Variants in TTI1 observed in about 807,000 individuals in gnomAD.
The protein encoded by TTI1 is TELO2 interacting protein 1.
A neutral mutation model predicts 85.4 loss-of-function variants in TTI1; 52 were observed. That is an observed-to-expected ratio of 0.61 (90% CI 0.49 to 0.77). The LOEUF is 0.77. Ranked by LOEUF, TTI1 falls within the 30% of genes least tolerant of loss-of-function variation. The probability of loss-of-function intolerance (pLI) is 0.00; values close to 1 mark genes in which losing one functional copy is unlikely to be tolerated. For synonymous variants in TTI1, 512 were observed against 503.9 expected (o/e 1.02, Z -0.22); for missense variants, 1,173 against 1,296.0 (o/e 0.91, Z 1.46).
At chr20:38,017,520 C>T (rs1020993172) in intron 1 of TTI1, among the ~76,000 whole-genome samples, 1 of 151,686 alleles carries the variant, frequency 6.6e-6, no homozygotes, top group African/African-American at 2.4e-5. Flanking sequence ...GTGTGGTTAT[C>T]ATTGGGGAAA....
chr20:38,027,095 A>T (rs573440642), intron 1 of TTI1, among the ~76,000 whole-genome samples: 83 of 152,382 alleles, frequency 5.4e-4, no homozygotes, highest in African/African-American at 1.9e-3. Context: ...ACAAAAAGAA[A>T]GCAGATAAAT....
chr20:37,998,558 A>G (rs1195729071), intron 5 of TTI1, among the ~76,000 whole-genome samples: 1 of 152,218 alleles, frequency 6.6e-6, no homozygotes, highest in Non-Finnish European at 1.5e-5. Flanking sequence ...ATCCGTGCTA[A>G]TGTAAGCCAA....
At chr20:38,018,379 GC>G (rs2073714700) in intron 1 of TTI1, among the ~76,000 whole-genome samples, 1 of 152,148 alleles carries the variant, frequency 6.6e-6, no homozygotes, top group African/African-American at 2.4e-5. Flanking sequence ...ATTGGACTTA[GC>G]AGGAGACAAG....
chr20:38,016,667 A>C (rs958669898), intron 1 of TTI1, among the ~76,000 whole-genome samples: 2 of 152,198 alleles, frequency 1.3e-5, no homozygotes, highest in African/African-American at 4.8e-5. Context: ...CACCTTTCAA[A>C]TCTGCTGATG....
At chr20:37,984,997 T>A (rs2073171829) in intron 7 of TTI1, among the ~76,000 whole-genome samples, 1 of 152,194 alleles carries the variant, frequency 6.6e-6, no homozygotes. Flanking sequence ...CTCTCTAGAA[T>A]ATTTAAGTTC....
At chr20:37,983,957 G>C (rs1157429540) in intron 7 of TTI1, among the ~76,000 whole-genome samples, 2 of 152,186 alleles carry the variant, frequency 1.3e-5, no homozygotes, top group African/African-American at 4.8e-5. Flanking sequence ...GTAGAAAGCA[G>C]GAGTTTTCAC....
intron 1 of TTI1, among the ~76,000 whole-genome samples, chr20:38,018,729 A>G (rs2073719369): frequency 6.6e-6 from 1 of 152,250 alleles, no homozygotes; most frequent in Non-Finnish European, 1.5e-5. Flanking sequence ...AAGAAATGAC[A>G]AAATCCAGGA....
In TTI1 at chr20:38,012,043, G is replaced by A. The variant is rs768880719; in HGVS notation, c.1774C>T (p.Leu592Phe). 5.6e-6 allele frequency: 9 copies of A among 1,614,098 alleles called. No homozygotes were observed. The Admixed American group carries it at 1.3e-4, about 24-fold the overall frequency. Residue 592 changes from leucine to phenylalanine, a missense_variant, in exon 2 of 8, where the codon CTC (leucine) becomes TTC (phenylalanine). By Grantham distance (22) the Leu-to-Phe change is conservative. Transcript: ENST00000373447. ...TGTTCACCAGACGTGATGGCTTGGA[G>A]GCCTGGGTGCTCCATCATCAGCTCC... Reference protein sequence around the residue: ...GEELMMEHPGLQAITSGEHTC... With the variant: ...GEELMMEHPGFQAITSGEHTC...
chr20:38,016,110 G>C (rs941509093), intron 1 of TTI1, among the ~76,000 whole-genome samples: 1 of 152,178 alleles, frequency 6.6e-6, no homozygotes, highest in African/African-American at 2.4e-5. Flanking sequence ...GAAGACAGTG[G>C]AATAGCACCT....
chr20:38,003,621 G>A (rs1009773750), intron 3 of TTI1, among the ~76,000 whole-genome samples: 8 of 152,134 alleles, frequency 5.3e-5, no homozygotes, highest in Admixed American at 1.3e-4. Context: ...GCATAGTGGC[G>A]GGCGCCTGTA....
At chr20:38,005,409 A>G (rs1476607572) in intron 3 of TTI1, among the ~76,000 whole-genome samples, 5 of 152,214 alleles carry the variant, frequency 3.3e-5, no homozygotes, top group African/African-American at 1.2e-4. Flanking sequence ...CTTCTTCTTT[A>G]TCATATAAAT....
chr20:38,029,698 G>T (rs745779649), intron 1 of TTI1, among the ~76,000 whole-genome samples: 9 of 152,120 alleles, frequency 5.9e-5, no homozygotes, highest in Non-Finnish European at 1.3e-4. Context: ...GGAATGCTAT[G>T]GTTTGAATAT....
intron 7 of TTI1, chr20:37,987,259 C>A (rs774427455): frequency 2.2e-6 from 1 of 456,718 alleles, no homozygotes; most frequent in South Asian, 1.5e-5. Context: ...AGAGAGTGAA[C>A]AGCTGAAAGC....
intron 7 of TTI1, among the ~76,000 whole-genome samples, chr20:37,994,816 C>G (rs964620205): frequency 4.5e-4 from 69 of 151,928 alleles, no homozygotes; most frequent in African/African-American, 1.5e-3. Flanking sequence ...AACACCAGCT[C>G]AAGATTCAGC....
At chr20:37,992,302 G>A (rs1229292325) in intron 7 of TTI1, among the ~76,000 whole-genome samples, 1 of 151,902 alleles carries the variant, frequency 6.6e-6, no homozygotes, top group Admixed American at 6.6e-5. Flanking sequence ...TTGAAACAGG[G>A]TCTCACTCTG....
At chr20:38,019,120 A>G (rs1456890716) in intron 1 of TTI1, 8 of 151,814 alleles carry the variant, frequency 5.3e-5, no homozygotes, top group East Asian at 1.9e-4. Context: ...ACTGTACTCT[A>G]GCCTCGGTGA....
chr20:37,985,337 T>C (rs2073175513), intron 7 of TTI1, among the ~76,000 whole-genome samples: 1 of 152,206 alleles, frequency 6.6e-6, no homozygotes, highest in African/African-American at 2.4e-5. Flanking sequence ...GGGCATTAAA[T>C]AGGAACTTCA....
chr20:38,001,983 C>T (rs1447757449), intron 4 of TTI1, among the ~76,000 whole-genome samples: 1 of 152,172 alleles, frequency 6.6e-6, no homozygotes, highest in East Asian at 1.9e-4. Context: ...TCCCAAAGTG[C>T]TGGGATTACA....
In TTI1 at chr20:37,983,624, CA is replaced by C; in HGVS notation, c.3101del (p.Leu1034Ter). The C allele has an allele frequency of 6.5e-7, 1 of 1,532,918 alleles. No individual in the cohort carries two copies. Among genetic ancestry groups the C allele is most frequent in the South Asian group, 1.3e-5 (1 of 78,898 alleles). The allele number at this position is 1,532,918 out of a possible 1,614,324, so 95.0% of individuals were successfully genotyped here. ...QEAARSVFLHLMKVDPDSTWF... is the reference protein window; with the variant it reads ...QEAARSVFLHXMKVDPDSTWF... ...AGGTGGAGTCTGGGTCCACCTTCAT[CA>C]AGTGGAGGAAGACGCTGTGGAGAGA... On this transcript the variant is annotated frameshift_variant, in exon 8 of 8. Coordinates refer to ENST00000373447, the MANE Select transcript of TTI1 (RefSeq NM_001303457.2). LOFTEE classifies it high-confidence loss of function.
Sources: allele counts gnomAD v4.1 joint callset (sites outside exome capture counted in the v4.1 genomes callset), GRCh38; gene constraint gnomAD v4.1.1; transcripts MANE v1.5; gene names NCBI Gene and HGNC (gene_info 2026-07-23, HGNC 2026-07-21).